Variants in ASCC3 observed in about 807,000 individuals in gnomAD.
The protein encoded by ASCC3 is activating signal cointegrator 1 complex subunit 3, also known as ASC-1 complex subunit P200.
Under a neutral mutation model 256.3 loss-of-function variants are expected in ASCC3, and 158 were observed. The ratio of observed to expected loss-of-function variants is 0.62; its 90% CI spans 0.54 to 0.70. ASCC3 has a LOEUF of 0.70. Ranked by LOEUF, ASCC3 falls within the 30% of genes least tolerant of loss-of-function variation. The pLI, the probability that ASCC3 is intolerant of heterozygous loss-of-function variation, is 0.00. For synonymous variants in ASCC3, 948 were observed against 883.4 expected (o/e 1.07, Z -1.30); for missense variants, 2,259 against 2,626.0 (o/e 0.86, Z 3.05).
chr6:100,817,714 A>C (rs1168970686), intron 4 of ASCC3, among the ~76,000 whole-genome samples: 1 of 152,056 alleles, frequency 6.6e-6, no homozygotes, highest in East Asian at 1.9e-4. Context: ...CACTACCAAA[A>C]CCAACTCAAG....
chr6:100,795,616 T>C (rs1769573352), intron 8 of ASCC3, among the ~76,000 whole-genome samples: 1 of 152,130 alleles, frequency 6.6e-6, no homozygotes. Flanking sequence ...ATTGCTCCCT[T>C]TCCAAGAAAG....
At chr6:100,727,682 A>AACAACAACAACAACAACAAC (rs1554220776) in intron 10 of ASCC3, among the ~76,000 whole-genome samples, 3 of 144,810 alleles carry the variant, frequency 2.1e-5, no homozygotes, top group Non-Finnish European at 3.0e-5. Flanking sequence ...ACAACAACAA[A>AACAACAACAACAACAACAAC]AAAGGGTCTA....
At position 100,516,251 on chromosome 6, in the gene ASCC3, C is replaced by T. The variant is rs772500713; in HGVS notation, c.6004G>A (p.Ala2002Thr). Residue 2002 changes from alanine (A) to threonine (T), a missense_variant, in exon 39 of 42, where the codon GCC becomes ACC. Physicochemically the swap from Ala to Thr is moderately conservative, Grantham distance 58. Around this residue, in one of 2 missense-constraint regions of ASCC3, gnomAD observed 1,839 missense variants for 2,206.7 expected, o/e 0.83. Transcript: ENST00000369162. ...AATACATGGTCTTTCCCTCCACAGG[C>T]ATGGATCAGTTCAGGAAGGGACTCG... ...SIESLPELIH[A>T]CGGKDHVFSS... 1 of 1,613,776 alleles carries T rather than the reference C, an allele frequency of 6.2e-7. No individual in the cohort carries two copies. The highest frequency in any genetic ancestry group is 1.1e-5 in the South Asian group (1 of 91,080).
At chr6:100,785,217 G>C (rs1246579539) in intron 8 of ASCC3, among the ~76,000 whole-genome samples, 3 of 152,118 alleles carry the variant, frequency 2.0e-5, no homozygotes, top group East Asian at 3.9e-4. Flanking sequence ...TGTGAAAGAA[G>C]TGAGATTGTT....
intron 36 of ASCC3, among the ~76,000 whole-genome samples, chr6:100,584,146 G>A (rs1439182851): frequency 1.3e-5 from 2 of 150,760 alleles, no homozygotes; most frequent in Non-Finnish European, 3.0e-5. Context: ...TATCCTTGTT[G>A]ACTTTCTGTC....
chr6:100,620,939 T>C (rs1283436355), intron 30 of ASCC3, among the ~76,000 whole-genome samples: 1 of 152,224 alleles, frequency 6.6e-6, no homozygotes, highest in Non-Finnish European at 1.5e-5. Flanking sequence ...TTCAGTATAA[T>C]CACACTGAAT....
Position 100,601,940 on chromosome 6 carries a change from A to G in ASCC3, c.5178-5T>C, listed in dbSNP as rs780788118. 4 of 1,611,686 alleles carry G rather than the reference A, an allele frequency of 2.5e-6. No individual in the cohort carries two copies. The highest frequency in any genetic ancestry group is 2.2e-5 in the East Asian group (1 of 44,752). ...TCAGAGAGCACTCCTAATAAACTAT[A>G]TAGTGAACAAGACATGGGAAGCATA... On this transcript the variant is annotated splice_region_variant and splice_polypyrimidine_tract_variant and intron_variant, in intron 33 of 41. Transcript: ENST00000369162.
Position 100,638,749 on chromosome 6 carries a change from C to A in ASCC3, c.3974G>T (p.Ser1325Ile). 3.1e-6 allele frequency: 5 copies of A among 1,614,068 alleles called. No homozygotes were observed. The highest frequency in any genetic ancestry group is 4.2e-6 in the Non-Finnish European group (5 of 1,179,986). Residue 1325 changes from serine to isoleucine, a missense_variant, in exon 25 of 42, where the codon AGC (serine) becomes ATC (isoleucine). Ser to Ile is a moderately radical substitution (Grantham distance 142). Around this residue, in one of 2 missense-constraint regions of ASCC3, gnomAD observed 1,839 missense variants for 2,206.7 expected, o/e 0.83. Coordinates refer to ENST00000369162, the MANE Select transcript of ASCC3 (RefSeq NM_006828.4). ...CKAYEALYNF[S>I]HFNPVQTQIF... ...TTGTGTCTGTACAGGGTTAAAGTGG[C>A]TGAAGTTGTACAGGGCTTCATATGC...
At chr6:100,809,584 G>C (rs555273073) in intron 4 of ASCC3, among the ~76,000 whole-genome samples, 2 of 151,950 alleles carry the variant, frequency 1.3e-5, no homozygotes, top group Non-Finnish European at 2.9e-5. Flanking sequence ...TTAGTTTCTG[G>C]TATAGTGAAT....
Position 100,855,586 on chromosome 6 carries a change from T to C in ASCC3, c.242-6879A>G, listed in dbSNP as rs147316139. Among the ~76,000 whole-genome samples the C allele has an allele frequency of 7.5e-3, 1,150 of 152,332 alleles. 12 individuals are homozygous for C. The highest frequency in any genetic ancestry group is 0.017 in the Middle Eastern group (5 of 294). On this transcript the variant is annotated intron_variant, in intron 3 of 41. Coordinates refer to ENST00000369162, the MANE Select transcript of ASCC3 (RefSeq NM_006828.4). ...ATATAACACCTCTGTCTTTGAAACA[T>C]TCAAAACACAATATAATGCTGTCCA...
intron 4 of ASCC3, among the ~76,000 whole-genome samples, chr6:100,817,240 A>C (rs1070991): frequency 0.026 from 4,017 of 152,132 alleles, 186 homozygotes; most frequent in African/African-American, 0.092. Context: ...GAATGAAAAT[A>C]AAGATCCAAC....
At chr6:100,586,634 G>A (rs537384952) in intron 36 of ASCC3, among the ~76,000 whole-genome samples, 5 of 152,216 alleles carry the variant, frequency 3.3e-5, no homozygotes, top group East Asian at 3.9e-4. Flanking sequence ...AGATGAACCC[G>A]GTACCTCAGA....
At chr6:100,684,433 G>C (rs1295965474) in intron 13 of ASCC3, among the ~76,000 whole-genome samples, 1 of 152,242 alleles carries the variant, frequency 6.6e-6, no homozygotes, top group East Asian at 1.9e-4. Context: ...TGACTATATA[G>C]GTCTGGGGCA....
chr6:100,605,467 A>G (rs991525821), intron 33 of ASCC3, 101 bp downstream of exon 33: 1 of 830,984 alleles, frequency 1.2e-6, no homozygotes, highest in Non-Finnish European at 1.9e-6. Flanking sequence ...AAATTCTTCT[A>G]AGCTACCTGT....
At chr6:100,717,126 C>T (rs1254878208) in intron 12 of ASCC3, among the ~76,000 whole-genome samples, 1 of 151,812 alleles carries the variant, frequency 6.6e-6, no homozygotes, top group Non-Finnish European at 1.5e-5. Context: ...AAATGACTCC[C>T]TAGAATTCTA....
chr6:100,648,169 C>T (rs867708150), intron 20 of ASCC3, among the ~76,000 whole-genome samples: 10 of 152,084 alleles, frequency 6.6e-5, no homozygotes, highest in African/African-American at 2.2e-4. Context: ...AACTGAGATT[C>T]TAGACTCAGT....
chr6:100,725,678 C>T lies in ASCC3; in HGVS notation c.1763G>A (p.Trp588Ter). ...TQMLVTTPEK[W>*]DVVTRKSVGD... is the part of the protein sequence containing the mutation. ...AACACTCTTTCTTGTCACTACATCC[C>T]ATTTTTCTGGTGTGGTCACAAGCAT... The change falls in exon 11 of 42, where the codon TGG (tryptophan) becomes TAG (stop). Residue 588 changes from tryptophan (W) to a stop codon, truncating the protein, a stop_gained. Transcript: ENST00000369162. LOFTEE classifies it high-confidence loss of function. The T allele has an allele frequency of 1.9e-6, 3 of 1,612,532 alleles. No homozygotes were observed. The highest frequency in any genetic ancestry group is 2.5e-6 in the Non-Finnish European group (3 of 1,178,998).
chr6:100,665,507 G>T (rs1052513747), intron 14 of ASCC3, among the ~76,000 whole-genome samples: 2 of 151,820 alleles, frequency 1.3e-5, no homozygotes, highest in South Asian at 4.2e-4. Flanking sequence ...GGCAGATCAC[G>T]AGGTCAGGAG....
intron 36 of ASCC3, among the ~76,000 whole-genome samples, chr6:100,563,636 G>A (rs558035624): frequency 4.6e-5 from 7 of 152,126 alleles, no homozygotes; most frequent in African/African-American, 1.2e-4. Flanking sequence ...GTTGAAGATG[G>A]GGGCTATTCT....
Sources: gnomAD v4.1 joint callset for allele counts (sites outside exome capture counted in the v4.1 genomes callset) on GRCh38, gnomAD v4.1.1 for gene constraint, gnomAD v4.1.1 regional missense constraint, MANE v1.5 for transcripts, NCBI Gene and HGNC (gene_info 2026-07-23, HGNC 2026-07-21) for gene names.